The following TIAL1 variants were observed in gnomAD, a reference collection of about 807,000 sequenced individuals.
The protein encoded by TIAL1 is TIA1 cytotoxic granule associated RNA binding protein like 1, also known as nucleolysin TIAR.
Under a neutral mutation model 59.7 loss-of-function variants are expected in TIAL1, and 7 were observed. That is an observed-to-expected ratio of 0.12 (90% CI 0.07 to 0.22). The LOEUF (loss-of-function observed/expected upper bound fraction) is 0.22. Ranked by LOEUF, TIAL1 falls within the 10% of genes least tolerant of loss-of-function variation. The pLI is 1.00. For synonymous variants in TIAL1, 149 were observed against 146.3 expected, an observed-to-expected ratio of 1.02 and a Z score of -0.13; for missense variants, 225 against 462.5, an observed-to-expected ratio of 0.49 and a Z score of 4.71.
rs746918865 is a variant in TIAL1 at position 119,575,645 on chromosome 10, T to TA, written c.*19_*20insT. On this transcript the variant is annotated 3_prime_UTR_variant, in exon 12 of 12. Coordinates refer to ENST00000436547, the MANE Select transcript of TIAL1 (RefSeq NM_003252.4). ...AATCGAAGCCTATCATGAATTACAA[T>TA]TTTTTTTTAGAGTCCCGGCTCACTG... The TA allele has an allele frequency of 3.2e-6, 5 of 1,542,798 alleles. No homozygotes were observed. The South Asian group carries it at 4.6e-5, about 14-fold the overall frequency.
chr10:119,595,735 C>A (rs1288050675), intron 1 of TIAL1, among the ~76,000 whole-genome samples: 1 of 152,192 alleles, frequency 6.6e-6, no homozygotes. Flanking sequence ...AGTTTAACAA[C>A]TGGTTGTCAG....
intron 5 of TIAL1, 137 bp downstream of exon 5, chr10:119,581,785 C>T (rs1240802790): frequency 5.6e-6 from 4 of 710,634 alleles, no homozygotes; most frequent in African/African-American, 1.8e-5. Flanking sequence ...TCAAAACAAA[C>T]CAAAATAAAT....
At chr10:119,591,407 G>GA (rs796544851) in intron 1 of TIAL1, among the ~76,000 whole-genome samples, 389 of 128,580 alleles carry the variant, frequency 3.0e-3, no homozygotes, top group South Asian at 0.019. Flanking sequence ...AACTCCATCT[G>GA]AAAAAAAAAA....
At chr10:119,577,910 C>T (rs372438608) in intron 7 of TIAL1, among the ~76,000 whole-genome samples, 174 bp from the exon 8 acceptor site, 4 of 151,704 alleles carry the variant, frequency 2.6e-5, no homozygotes, top group African/African-American at 4.8e-5. Flanking sequence ...GCCAACATGA[C>T]GAAATCCTGT....
At chr10:119,587,327 A>G (rs960403460) in intron 2 of TIAL1, among the ~76,000 whole-genome samples, 1 of 152,154 alleles carries the variant, frequency 6.6e-6, no homozygotes, top group African/African-American at 2.4e-5. Flanking sequence ...CTTTATTTGG[A>G]ATCCCTTCTT....
intron 1 of TIAL1, among the ~76,000 whole-genome samples, chr10:119,594,070 T>TTA (rs1846025346): frequency 7.2e-6 from 1 of 139,430 alleles, no homozygotes; most frequent in African/African-American, 2.6e-5. Context: ...GTCCTTCTCT[T>TTA]AAAAAAAAAA....
chr10:119,581,162 C>A (rs1845288013), intron 5 of TIAL1, among the ~76,000 whole-genome samples: 1 of 151,882 alleles, frequency 6.6e-6, no homozygotes, highest in Non-Finnish European at 1.5e-5. Flanking sequence ...AGGAAATATA[C>A]AAAATAAACT....
At chr10:119,586,700 C>G (rs886340705) in intron 2 of TIAL1, among the ~76,000 whole-genome samples, 2 of 152,198 alleles carry the variant, frequency 1.3e-5, no homozygotes, top group Non-Finnish European at 2.9e-5. Context: ...CTTAACTCCC[C>G]TCCATCCCTC....
chr10:119,577,018 CA>C, intron 10 of TIAL1, 61 bp downstream of exon 10: 1 of 1,581,560 alleles, frequency 6.3e-7, no homozygotes, highest in Non-Finnish European at 8.6e-7. Flanking sequence ...ACAGAGTTTC[CA>C]AAGCTTTTAT....
At chr10:119,576,468 T>G in intron 11 of TIAL1, 143 bp downstream of exon 11, 2 of 1,135,114 alleles carry the variant, frequency 1.8e-6, no homozygotes, top group Non-Finnish European at 2.5e-6. Flanking sequence ...TAAATCATAT[T>G]TTGTTAGATT....
chr10:119,590,790 A>AAG (rs903360957), intron 1 of TIAL1, among the ~76,000 whole-genome samples: 7 of 146,986 alleles, frequency 4.8e-5, no homozygotes, highest in Non-Finnish European at 8.9e-5. Flanking sequence ...GAAAGAAAGA[A>AAG]AGAAAGAAAG....
rs764943911 is a variant in TIAL1, at chr10:119,588,263, A to G, written c.33-15T>C. The stretch of plus-strand genomic sequence containing the variant: ...TACCTACGTATCTGCACAAGAAAAA[A>G]ATACGTTATCAGCAATTTTTCCTTT... On this transcript the variant is annotated splice_polypyrimidine_tract_variant and intron_variant, in intron 1 of 11. Transcript: ENST00000436547. The G allele has an allele frequency of 1.3e-6, 2 of 1,521,978 alleles. No individual in the cohort carries two copies. Among genetic ancestry groups the G allele is most frequent in the Non-Finnish European group, 1.8e-6 (2 of 1,121,420 alleles). The allele number at this position is 1,521,978 out of a possible 1,614,324, so 94.3% of individuals were successfully genotyped here. A position where few individuals can be genotyped will look rare whatever the true frequency, so the allele number is the denominator to read the frequency against.
At chr10:119,576,941 G>T (rs755667661) in intron 10 of TIAL1, 139 bp downstream of exon 10, 1 of 1,337,760 alleles carries the variant, frequency 7.5e-7, no homozygotes, top group Non-Finnish European at 1.0e-6. Context: ...AGTTAATACC[G>T]CAAATAATCA....
Position 119,576,651 on chromosome 10 carries a change from C to T in TIAL1, c.961G>A (p.Val321Ile), listed in dbSNP as rs1477128668. The change falls in exon 11 of 12, where the codon GTA (valine) becomes ATA (isoleucine). Residue 321 changes from valine to isoleucine, a missense_variant. By Grantham distance (29) the Val-to-Ile change is conservative. Coordinates refer to ENST00000436547, the MANE Select transcript of TIAL1 (RefSeq NM_003252.4). ...ANGWQVPPYGVYGQPWNQQGF... is the reference protein window; with the variant it reads ...ANGWQVPPYGIYGQPWNQQGF... ...TGTTGATTCCATGGTTGCCCGTATA[C>T]TCCATAAGGCGGTACTTGCCACCCA... 6.2e-7 allele frequency: 1 copy of T among 1,614,152 alleles called. No homozygotes were observed. The highest frequency in any genetic ancestry group is 8.5e-7 in the Non-Finnish European group (1 of 1,180,012).
At position 119,574,586 on chromosome 10, in the gene TIAL1, C is replaced by CTAAAAAA. The variant is rs1844870009; in HGVS notation, c.*1078_*1079insTTTTTTA. 1 of 86,550 alleles carries CTAAAAAA rather than the reference C, an allele frequency of 1.2e-5. No homozygotes were observed. The highest frequency in any genetic ancestry group is 2.1e-5 in the Non-Finnish European group (1 of 47,626). The allele number at this position is 86,550 out of a possible 1,614,324, so 5.4% of individuals were successfully genotyped here. A position where few individuals can be genotyped will look rare whatever the true frequency, so the allele number is the denominator to read the frequency against. On this transcript the variant is annotated 3_prime_UTR_variant, in exon 12 of 12. Coordinates refer to ENST00000436547, the MANE Select transcript of TIAL1 (RefSeq NM_003252.4). ...TATTTACATACCAAGTAATGTAAAGCAAAAAAAAAAAAAAAAAAAAACAAA... is the reference window on the plus strand; with the variant it reads ...TATTTACATACCAAGTAATGTAAAGCTAAAAAAAAAAAAAAAAAAAAAAAAAAACAAA...
At chr10:119,587,088 T>C (rs940684940) in intron 2 of TIAL1, among the ~76,000 whole-genome samples, 10 of 152,242 alleles carry the variant, frequency 6.6e-5, no homozygotes, top group African/African-American at 2.4e-4. Flanking sequence ...AAATGATGAT[T>C]GTCATTACTT....
At position 119,574,586 on chromosome 10, in the gene TIAL1, C is replaced by CAAAAAAAAAAAAAAAAAAAAAA. The variant is rs5788360; in HGVS notation, c.*1078_*1079insTTTTTTTTTTTTTTTTTTTTTT. On this transcript the variant is annotated 3_prime_UTR_variant, in exon 12 of 12. Transcript: ENST00000436547. ...TATTTACATACCAAGTAATGTAAAG[C>CAAAAAAAAAAAAAAAAAAAAAA]AAAAAAAAAAAAAAAAAAAAACAAA... is the stretch of plus-strand genomic sequence containing the variant. The CAAAAAAAAAAAAAAAAAAAAAA allele has an allele frequency of 2.0e-4, 17 of 86,576 alleles. No individual in the cohort carries two copies. The highest frequency in any genetic ancestry group is 2.5e-4 in the Non-Finnish European group (12 of 47,626). The allele number at this position is 86,576 out of a possible 1,614,324, so 5.4% of individuals were successfully genotyped here.
At chr10:119,590,047 G>C (rs1564743861) in intron 1 of TIAL1, among the ~76,000 whole-genome samples, 1 of 152,144 alleles carries the variant, frequency 6.6e-6, no homozygotes, top group African/African-American at 2.4e-5. Context: ...AGAAAGCTTA[G>C]GTTAAGTAAA....
intron 1 of TIAL1, chr10:119,593,378 A>C (rs1275001624): frequency 1.4e-6 from 1 of 730,940 alleles, no homozygotes; most frequent in Non-Finnish European, 1.7e-6. Context: ...CTCAACATCA[A>C]AGCAATTCTT....
Sources: allele counts gnomAD v4.1 joint callset (sites outside exome capture counted in the v4.1 genomes callset), GRCh38; gene constraint gnomAD v4.1.1; transcripts MANE v1.5; gene names NCBI Gene and HGNC (gene_info 2026-07-23, HGNC 2026-07-21).